Variants in PADI2 observed in about 807,000 individuals in gnomAD.
PADI2 encodes protein-arginine deiminase type-2.
A neutral mutation model predicts 81.1 loss-of-function variants in PADI2; 70 were observed. The ratio of observed to expected loss-of-function variants is 0.86; its 90% CI spans 0.71 to 1.05. The LOEUF (loss-of-function observed/expected upper bound fraction) is 1.05. PADI2 is among the 50% of genes least tolerant of loss of function. The pLI, the probability that PADI2 is intolerant of heterozygous loss-of-function variation, is 0.00. For missense variants in PADI2, 853 were observed against 889.9 expected (o/e 0.96, Z 0.53); for synonymous variants, 338 against 358.0 (o/e 0.94, Z 0.63).
At chr1:17,080,232 A>G (rs552232906) in intron 10 of PADI2, among the ~76,000 whole-genome samples, 1 of 152,346 alleles carries the variant, frequency 6.6e-6, no homozygotes, top group Non-Finnish European at 1.5e-5. Context: ...GACTTCTGGC[A>G]TCTTCCTGCA....
intron 1 of PADI2, among the ~76,000 whole-genome samples, chr1:17,117,370 T>C (rs189930660): frequency 5.8e-4 from 89 of 152,374 alleles, no homozygotes; most frequent in African/African-American, 2.0e-3. Flanking sequence ...AAATTATGCC[T>C]GTTGTTTTAA....
At chr1:17,097,765 T>TGTTA (rs10649306) in intron 3 of PADI2, among the ~76,000 whole-genome samples, 92,892 of 151,686 alleles carry the variant, frequency 0.61, 28,782 homozygotes, top group African/African-American at 0.68. Flanking sequence ...CACCAGGGGC[T>TGTTA]AAGAGCCTGG....
rs191431667 is a variant in PADI2 at position 17,084,695 on chromosome 1, G to A, written c.842C>T (p.Pro281Leu). ...GGTGTCCGTGAAGATGGGAGTCAGG[G>A]GAATGTCCTGGGTGTGGGAGACAAG... ...SLLEYMAQDI[P>L]LTPIFTDTVI... Residue 281 changes from proline (P) to leucine (L), a missense_variant, in exon 8 of 16, where the codon CCC (proline) becomes CTC (leucine). Physicochemically the swap from Pro to Leu is moderately conservative, Grantham distance 98 (BLOSUM62 -3). Transcript: ENST00000375486. The A allele has an allele frequency of 6.4e-6, 10 of 1,553,820 alleles. No homozygotes were observed. The highest frequency in any genetic ancestry group is 1.4e-5 in the African/African-American group (1 of 73,314).
Position 17,093,667 on chromosome 1 carries a change from G to T in PADI2, c.429C>A (p.Gly143=), listed in dbSNP as rs748467584. 2.5e-6 allele frequency: 4 copies of T among 1,612,826 alleles called. No homozygotes were observed. Among genetic ancestry groups the T allele is most frequent in the Admixed American group, 1.7e-5 (1 of 59,982 alleles). The change falls in exon 5 of 16, where the codon GGC becomes GGA. Residue 143 remains glycine (G), a synonymous_variant. Coordinates refer to ENST00000375486, the MANE Select transcript of PADI2 (RefSeq NM_007365.3). ...GCAGGATGGCCCCCTGGCCCTCGGG[G>T]CCCCAGGTCCAGGATGCCTACAGTG... ...NNPKKASWTW[G]PEGQGAILLV...
chr1:17,079,655 AGAGT>A (rs774774517), intron 10 of PADI2, among the ~76,000 whole-genome samples: 8 of 151,656 alleles, frequency 5.3e-5, no homozygotes, highest in South Asian at 2.1e-4. Flanking sequence ...AGTGAGTGTG[AGAGT>A]GAGTGTGAGT....
rs1024712813 is a variant in PADI2, at chr1:17,115,405, G to C, written c.92+3875C>G. On this transcript the variant is annotated intron_variant, in intron 1 of 15. Transcript: ENST00000375486. This position sits in a 1 kb window ranked among gnomAD's most constrained non-coding sequence, Gnocchi z 4.1. ...CCTCAGGATCTGGATCCTGGCTCCT[G>C]TACACCAGGGAGGAAAAGAAGAGCC... Among the ~76,000 whole-genome samples the C allele has an allele frequency of 1.3e-5, 2 of 152,188 alleles. No individual in the cohort carries two copies. Among genetic ancestry groups the C allele is most frequent in the African/African-American group, 4.8e-5 (2 of 41,446 alleles).
chr1:17,104,002 G>T (rs1326056157), intron 2 of PADI2, among the ~76,000 whole-genome samples: 1 of 147,710 alleles, frequency 6.8e-6, no homozygotes, highest in Admixed American at 6.8e-5. Flanking sequence ...AAACAAACAG[G>T]CCGGCCGCGG....
In PADI2 at chr1:17,086,758, TG is replaced by T. The variant is rs961605535; in HGVS notation, c.656-60del. The T allele has an allele frequency of 1.3e-5, 20 of 1,481,508 alleles. No individual in the cohort carries two copies. The Admixed American group carries it at 2.1e-4, about 16-fold the overall frequency. 91.8% of individuals were successfully genotyped at this position (1,481,508 alleles called of 1,614,324 possible). On this transcript the variant is annotated intron_variant, in intron 6 of 15. Coordinates refer to ENST00000375486, the MANE Select transcript of PADI2 (RefSeq NM_007365.3). ...CCGCATCAGAAAGAGGTCGGTGGGG[TG>T]GGATCACCGATGGGGACAAAAGGGC... is the stretch of plus-strand genomic sequence containing the variant.
At chr1:17,105,465 G>A (rs376588011) in intron 1 of PADI2, among the ~76,000 whole-genome samples, 344 of 152,004 alleles carry the variant, frequency 2.3e-3, no homozygotes, top group African/African-American at 7.9e-3. Context: ...GCACAATCTC[G>A]GCTCACTGCA....
chr1:17,095,683 C>A (rs1930896954), intron 4 of PADI2, among the ~76,000 whole-genome samples: 1 of 152,212 alleles, frequency 6.6e-6, no homozygotes, highest in Non-Finnish European at 1.5e-5. Flanking sequence ...AATTGGGCGT[C>A]CCCATCATGG....
At position 17,069,233 on chromosome 1, in the gene PADI2, T is replaced by C. The variant is rs762314446; in HGVS notation, c.1809A>G (p.Pro603=). The change falls in exon 16 of 16, where the codon CCA becomes CCG. Residue 603 remains proline (P), a synonymous_variant. Coordinates refer to ENST00000375486, the MANE Select transcript of PADI2 (RefSeq NM_007365.3). ...ATTCCTCCTCAACCTGTGGCCCGAA[T>C]GGCTTGGGGATGCCCAGGTCCTTGT... The part of the protein sequence containing the change: ...VLDKDLGIPK[P]FGPQVEEECC... The C allele has an allele frequency of 1.2e-6, 2 of 1,614,140 alleles. No homozygotes were observed. The highest frequency in any genetic ancestry group is 2.2e-5 in the East Asian group (1 of 44,896).
Position 17,113,430 on chromosome 1 carries a change from G to A in PADI2, c.92+5850C>T, listed in dbSNP as rs148272046. ...CACTGTGATTTCATTTTACAGATGA[G>A]CACATTGAGGCCCCTAGAGGGCAAG... is the stretch of plus-strand genomic sequence containing the variant. On this transcript the variant is annotated intron_variant, in intron 1 of 15. Coordinates refer to ENST00000375486, the MANE Select transcript of PADI2 (RefSeq NM_007365.3). Among the ~76,000 whole-genome samples the A allele has an allele frequency of 5.9e-3, 903 of 152,288 alleles. 6 individuals are homozygous for A. The highest frequency in any genetic ancestry group is 0.027 in the Middle Eastern group (8 of 294).
intron 14 of PADI2, among the ~76,000 whole-genome samples, chr1:17,070,690 C>A (rs2078259244): frequency 1.3e-5 from 2 of 152,092 alleles, no homozygotes; most frequent in African/African-American, 2.4e-5. Flanking sequence ...AAGACTGAGT[C>A]TCACTCTGTT....
chr1:17,118,458 T>C (rs574346568), intron 1 of PADI2, among the ~76,000 whole-genome samples: 21 of 152,116 alleles, frequency 1.4e-4, no homozygotes, highest in Non-Finnish European at 2.2e-4. Context: ...AGACAGATCA[T>C]TGGACTTGGC....
intron 15 of PADI2, among the ~76,000 whole-genome samples, chr1:17,069,498 T>C (rs1263980649): frequency 6.6e-6 from 1 of 152,246 alleles, no homozygotes; most frequent in Non-Finnish European, 1.5e-5. Context: ...CATTCACATA[T>C]GTCTGTACAT....
At chr1:17,116,809 C>T (rs971862351) in intron 1 of PADI2, among the ~76,000 whole-genome samples, 7 of 152,270 alleles carry the variant, frequency 4.6e-5, no homozygotes, top group Middle Eastern at 3.4e-3. Context: ...GGTTCAGTTC[C>T]TAAGTGCCCA....
At position 17,093,463 on chromosome 1, in the gene PADI2, G is replaced by C; in HGVS notation, c.529+104C>G. On this transcript the variant is annotated intron_variant, in intron 5 of 15. Coordinates refer to ENST00000375486, the MANE Select transcript of PADI2 (RefSeq NM_007365.3). Reference sequence around the variant, plus strand: ...GGGAATTTGTGTCCACCATCCCCAGGAGGCCTGAGTCCACACCTGCCTCAC... The same window carrying C: ...GGGAATTTGTGTCCACCATCCCCAGCAGGCCTGAGTCCACACCTGCCTCAC... 4 of 714,876 alleles carry C rather than the reference G, an allele frequency of 5.6e-6. 1 individual carries two copies. The South Asian group carries it at 7.4e-5, about 13-fold the overall frequency. The allele number at this position is 714,876 out of a possible 1,614,324, so 44.3% of individuals were successfully genotyped here. A position where few individuals can be genotyped will look rare whatever the true frequency, so the allele number is the denominator to read the frequency against.
intron 5 of PADI2, 24 bp from the exon 6 acceptor site, chr1:17,092,557 A>T (rs888691218): frequency 1.3e-6 from 2 of 1,563,324 alleles, no homozygotes; most frequent in Non-Finnish European, 1.7e-6. Flanking sequence ...GGTGAGAATG[A>T]AGAGATCTAT....
At chr1:17,107,458 C>A (rs538382248) in intron 1 of PADI2, among the ~76,000 whole-genome samples, 1 of 152,274 alleles carries the variant, frequency 6.6e-6, no homozygotes, top group South Asian at 2.1e-4. Context: ...TCTGGGGCGG[C>A]GGCACCTGGA....
Sources: gnomAD v4.1 joint callset for allele counts (sites outside exome capture counted in the v4.1 genomes callset) on GRCh38, gnomAD v4.1.1 for gene constraint, Gnocchi (gnomAD v3.1) non-coding constraint, MANE v1.5 for transcripts, NCBI Gene and HGNC (gene_info 2026-07-23, HGNC 2026-07-21) for gene names.